Variants in AKR7A3 observed in about 807,000 individuals in gnomAD.
The protein encoded by AKR7A3 is AFB1 aldehyde reductase 2.
A neutral mutation model predicts 32.5 loss-of-function variants in AKR7A3; 37 were observed. That is an observed-to-expected ratio of 1.14 (90% CI 0.88 to 1.50). The LOEUF (loss-of-function observed/expected upper bound fraction) is 1.50, where lower values mean the gene tolerates loss of function less well. Among genes scored for constraint, AKR7A3 ranks in the 40% most tolerant of loss-of-function variants. The pLI, the probability that AKR7A3 is intolerant of heterozygous loss-of-function variation, is 0.00. For synonymous variants in AKR7A3, 177 were observed against 188.4 expected (o/e 0.94, Z 0.50); for missense variants, 412 against 453.2 (o/e 0.91, Z 0.83).
downstream of AKR7A3, among the ~76,000 whole-genome samples, chr1:19,279,800 T>G (rs974134841): frequency 1.4e-4 from 21 of 151,866 alleles, no homozygotes; most frequent in Admixed American, 1.4e-3. Flanking sequence ...ATGATAAGAG[T>G]TCTTTATATA....
Position 19,285,424 on chromosome 1 carries a change from G to A in AKR7A3, c.508-310C>T, listed in dbSNP as rs559840184. 2.0e-5 allele frequency among the ~76,000 whole-genome samples: 3 copies of A among 151,688 alleles called. No homozygotes were observed. In the South Asian group the frequency reaches 6.2e-4, roughly 31 times the overall value. Reference sequence around the variant, plus strand: ...ATAAACAGTTATAATCAAGTCATGAGGCAATCATAATAGACTAGAAAGTTC... The same window carrying A: ...ATAAACAGTTATAATCAAGTCATGAAGCAATCATAATAGACTAGAAAGTTC... On this transcript the variant is annotated intron_variant, in intron 3 of 6. Transcript: ENST00000361640.
At chr1:19,280,813 G>A (rs138464445), downstream of AKR7A3, among the ~76,000 whole-genome samples, 4 of 151,820 alleles carry the variant, frequency 2.6e-5, no homozygotes, top group East Asian at 1.9e-4. Context: ...CTCATGATCC[G>A]CCTGCCTCGG....
chr1:19,284,823 G>T, intron 4 of AKR7A3, 38 bp from the exon 5 acceptor site: 1 of 1,606,350 alleles, frequency 6.2e-7, no homozygotes. Flanking sequence ...GGCCTAGAGT[G>T]CCCCAGAAGC....
At chr1:19,284,260 C>T (rs2093724719) in intron 5 of AKR7A3, 135 bp from the exon 6 acceptor site, 3 of 1,295,894 alleles carry the variant, frequency 2.3e-6, no homozygotes, top group East Asian at 2.5e-5. Flanking sequence ...ATGGGTCTCC[C>T]ACTTTGCTGG....
In AKR7A3 at chr1:19,284,067, C is replaced by T. The variant is rs373169386; in HGVS notation, c.763G>A (p.Ala255Thr). 47 of 1,613,716 alleles carry T rather than the reference C, an allele frequency of 2.9e-5. No individual in the cohort carries two copies. In the East Asian group the frequency reaches 6.2e-4, roughly 21 times the overall value. Residue 255 changes from alanine to threonine, a missense_variant, in exon 6 of 7, where the codon GCG becomes ACG. Ala to Thr is a moderately conservative substitution (Grantham distance 58, BLOSUM62 0). Transcript: ENST00000361640. The stretch of plus-strand genomic sequence containing the variant: ...ATGCTGGGGGCGCTGGCGCCATACG[C>T]GGCCTGCAGGGCCTTCTCCACCAGG... ...IALVEKALQA[A>T]YGASAPSMTS... is the part of the protein sequence containing the mutation.
chr1:19,283,699 C>T (rs2093722864), intron 6 of AKR7A3, among the ~76,000 whole-genome samples: 7 of 151,936 alleles, frequency 4.6e-5, no homozygotes, highest in Admixed American at 4.6e-4. Context: ...GGCATGGTGG[C>T]GCACGCCTGT....
At chr1:19,286,504 AC>A in intron 1 of AKR7A3, 132 bp from the exon 2 acceptor site, 2 of 897,846 alleles carry the variant, frequency 2.2e-6, no homozygotes, top group Non-Finnish European at 3.4e-6. Context: ...ACATGGTGAA[AC>A]CCCATCTCTA....
chr1:19,276,259 G>T, the AKR7A3 span, among the ~76,000 whole-genome samples: 2 of 151,178 alleles, frequency 1.3e-5, no homozygotes, highest in African/African-American at 4.9e-5. Flanking sequence ...CTACTCGGGA[G>T]GCTGAAGCAA....
chr1:19,288,511 CG>C lies in AKR7A3; in HGVS notation c.198del (p.Gly67AlafsTer6). 6.2e-7 allele frequency: 1 copy of C among 1,610,728 alleles called. No individual in the cohort carries two copies. The highest frequency in any genetic ancestry group is 2.2e-5 in the East Asian group (1 of 44,820). On this transcript the variant is annotated frameshift_variant, in exon 1 of 7. Transcript: ENST00000361640. LOFTEE classifies it high-confidence loss of function. ...TILGGLGLRLGGSDCRVKIDT... is the reference protein window; with the variant it reads ...TILGGLGLRLXGSDCRVKIDT... ...CCACTGTTACCTCTGCAGTCGCTGCCGCCCAGCCGGAGCCCCAGGCCGCCAA... is the reference window on the plus strand; with the variant it reads ...CCACTGTTACCTCTGCAGTCGCTGCCCCCAGCCGGAGCCCCAGGCCGCCAA...
At chr1:19,274,646 G>A in the AKR7A3 span, among the ~76,000 whole-genome samples, 6 of 151,706 alleles carry the variant, frequency 4.0e-5, no homozygotes, top group African/African-American at 1.5e-4. Flanking sequence ...GTACCTAAGT[G>A]AAACAAACAA....
At position 19,283,984 on chromosome 1, in the gene AKR7A3, G is replaced by A. The variant is rs777971619; in HGVS notation, c.834+12C>T. On this transcript the variant is annotated intron_variant, in intron 6 of 6. Coordinates refer to ENST00000361640, the MANE Select transcript of AKR7A3 (RefSeq NM_012067.3). ...GAAGGGAAGAAGCTGAGCGCACAGG[G>A]TCACTGGTTACCTGCAGCTGTGAGT... is the stretch of plus-strand genomic sequence containing the variant. The A allele has an allele frequency of 1.2e-6, 2 of 1,612,864 alleles. No individual in the cohort carries two copies. Among genetic ancestry groups the A allele is most frequent in the South Asian group, 2.2e-5 (2 of 91,018 alleles).
downstream of AKR7A3, among the ~76,000 whole-genome samples, chr1:19,279,436 T>C (rs1327239654): frequency 6.6e-6 from 1 of 151,918 alleles, no homozygotes; most frequent in Non-Finnish European, 1.5e-5. Flanking sequence ...TTCTCTTGGC[T>C]ATATACCCAC....
chr1:19,282,367 C>A (rs1281762519), downstream of AKR7A3, among the ~76,000 whole-genome samples: 1 of 151,776 alleles, frequency 6.6e-6, no homozygotes, highest in African/African-American at 2.4e-5. Context: ...CTCTTGCTCC[C>A]TCTCTCACCA....
downstream of AKR7A3, among the ~76,000 whole-genome samples, chr1:19,281,567 G>C (rs1225956386): frequency 6.6e-6 from 1 of 151,776 alleles, no homozygotes; most frequent in African/African-American, 2.4e-5. Context: ...CCCAGGAGGT[G>C]GAGGTTGCAG....
chr1:19,286,752 G>A (rs1434835220), intron 1 of AKR7A3, among the ~76,000 whole-genome samples: 2 of 151,792 alleles, frequency 1.3e-5, no homozygotes, highest in African/African-American at 4.9e-5. Flanking sequence ...CAGGTGAGTG[G>A]AGAGTCCTCT....
At chr1:19,276,478 T>C in the AKR7A3 span, among the ~76,000 whole-genome samples, 5 of 151,092 alleles carry the variant, frequency 3.3e-5, no homozygotes, top group South Asian at 1.0e-3. Flanking sequence ...CAAGATATAC[T>C]ATATTTTGAG....
At chr1:19,279,854 C>T (rs540136581), downstream of AKR7A3, among the ~76,000 whole-genome samples, 2 of 151,934 alleles carry the variant, frequency 1.3e-5, no homozygotes, top group East Asian at 3.9e-4. Flanking sequence ...GCATGCAGCC[C>T]AAAGATGGCT....
chr1:19,281,597 T>A (rs1266170399), downstream of AKR7A3, among the ~76,000 whole-genome samples: 3 of 151,758 alleles, frequency 2.0e-5, no homozygotes, highest in Admixed American at 6.6e-5. Flanking sequence ...ATTGCACCAC[T>A]GCACTCTAGC....
At chr1:19,283,874 G>C in intron 6 of AKR7A3, 122 bp downstream of exon 6, 1 of 1,493,110 alleles carries the variant, frequency 6.7e-7, no homozygotes. Context: ...AAGAATGTTT[G>C]TGAGAGTTGA....
Sources: gnomAD v4.1 joint callset for allele counts (sites outside exome capture counted in the v4.1 genomes callset) on GRCh38, gnomAD v4.1.1 for gene constraint, MANE v1.5 for transcripts, NCBI Gene and HGNC (gene_info 2026-07-23, HGNC 2026-07-21) for gene names.